EPRS1: variants seen among roughly 807,000 people sequenced by gnomAD.
EPRS1 encodes the protein glutamyl-prolyl-tRNA synthetase 1.
Under a neutral mutation model 188.3 loss-of-function variants are expected in EPRS1, and 107 were observed. The observed-to-expected ratio is 0.57, with a 90% CI of 0.49 to 0.67. The LOEUF (loss-of-function observed/expected upper bound fraction) is 0.67, where lower values mean the gene tolerates loss of function less well. Ranked by LOEUF, EPRS1 falls within the 30% of genes least tolerant of loss-of-function variation. The probability of loss-of-function intolerance (pLI) is 0.00; values close to 1 mark genes in which losing one functional copy is unlikely to be tolerated. For synonymous variants in EPRS1, 596 were observed against 593.1 expected (o/e 1.00, Z -0.07); for missense variants, 1,577 against 1,802.2 (o/e 0.88, Z 2.26).
chr1:220,006,359 G>A (rs1414687730), intron 14 of EPRS1, 46 bp from the exon 15 acceptor site: 4 of 710,974 alleles, frequency 5.6e-6, no homozygotes, highest in South Asian at 7.2e-5. Flanking sequence ...AACCACAGCT[G>A]CCATAAATTC....
intron 30 of EPRS1, among the ~76,000 whole-genome samples, chr1:219,970,303 C>G (rs912471891): frequency 1.3e-5 from 2 of 152,166 alleles, no homozygotes; most frequent in African/African-American, 4.8e-5. Context: ...TGTAAAGCAG[C>G]TGAAAATCTA....
chr1:220,033,608 G>C lies in EPRS1; in HGVS notation c.282C>G (p.Ser94=). 6.2e-7 allele frequency: 1 copy of C among 1,608,496 alleles called. No homozygotes were observed. Among genetic ancestry groups the C allele is most frequent in the Non-Finnish European group, 8.5e-7 (1 of 1,175,286 alleles). Residue 94 remains serine (S), a synonymous_variant, in exon 4 of 32, where the codon TCC becomes TCG. Transcript: ENST00000366923. ...FSATKLSSCD[S]FTSTINELNH... ...TGAGTTCATTAATTGTAGAAGTAAA[G>C]GAATCACATGAAGATAATTTTGTAG...
chr1:220,039,611 C>T (rs184240446), intron 2 of EPRS1, among the ~76,000 whole-genome samples: 299 of 151,808 alleles, frequency 2.0e-3, no homozygotes, highest in African/African-American at 6.8e-3. Flanking sequence ...CTCCGCCTCC[C>T]AGGTTCAAGC....
intron 2 of EPRS1, among the ~76,000 whole-genome samples, chr1:220,037,665 T>C (rs572171571): frequency 1.3e-4 from 20 of 152,102 alleles, no homozygotes; most frequent in African/African-American, 4.3e-4. Flanking sequence ...ATTTCCAAGT[T>C]TCCACAATGA....
intron 18 of EPRS1, among the ~76,000 whole-genome samples, chr1:219,994,838 G>A (rs1164650852): frequency 2.0e-5 from 3 of 151,840 alleles, no homozygotes; most frequent in African/African-American, 4.8e-5. Flanking sequence ...ATTTTTAGTA[G>A]AGACAGGGTT....
chr1:220,020,426 G>C lies in EPRS1; in HGVS notation c.1116-205C>G, dbSNP rs564356372. 3.3e-5 allele frequency among the ~76,000 whole-genome samples: 5 copies of C among 152,138 alleles called. No individual in the cohort carries two copies. In the East Asian group the frequency reaches 7.7e-4, roughly 24 times the overall value. ...CAATGAGTCAGTTGTCAACTTAGCA[G>C]TCAAACAAAAAAGCAAATTTGCAAT... On this transcript the variant is annotated intron_variant, in intron 9 of 31. Transcript: ENST00000366923.
intron 13 of EPRS1, among the ~76,000 whole-genome samples, chr1:220,007,855 T>TA (rs1661521857): frequency 6.6e-6 from 1 of 152,126 alleles, no homozygotes; most frequent in Non-Finnish European, 1.5e-5. Flanking sequence ...CATGGTGGCT[T>TA]ACGCCTGTAA....
intron 12 of EPRS1, among the ~76,000 whole-genome samples, chr1:220,017,836 A>C (rs930057483): frequency 6.6e-6 from 1 of 152,186 alleles, no homozygotes; most frequent in East Asian, 1.9e-4. Flanking sequence ...AAGGAACTGT[A>C]ATTAATGAAA....
chr1:220,019,570 A>T (rs938486190), intron 10 of EPRS1, among the ~76,000 whole-genome samples: 1 of 152,208 alleles, frequency 6.6e-6, no homozygotes, highest in Admixed American at 6.5e-5. Flanking sequence ...TACCCTTTTC[A>T]TGGAGCTCAA....
chr1:220,040,934 A>G (rs913678698), intron 1 of EPRS1, among the ~76,000 whole-genome samples: 1 of 152,094 alleles, frequency 6.6e-6, no homozygotes, highest in African/African-American at 2.4e-5. Context: ...CTAAAAAAAA[A>G]AAAAGAAAAA....
chr1:220,025,987 G>A (rs1661964831), intron 6 of EPRS1, among the ~76,000 whole-genome samples: 1 of 152,142 alleles, frequency 6.6e-6, no homozygotes, highest in East Asian at 1.9e-4. Flanking sequence ...TAGAAACGAG[G>A]TTTCACCATG....
At chr1:219,987,070 T>C in intron 20 of EPRS1, 72 bp downstream of exon 20, 1 of 1,497,490 alleles carries the variant, frequency 6.7e-7, no homozygotes, top group Non-Finnish European at 9.0e-7. Flanking sequence ...CAGTCAAAAT[T>C]TGTTTTAAAA....
chr1:220,032,088 T>G (rs1662094504), intron 5 of EPRS1, among the ~76,000 whole-genome samples: 1 of 151,908 alleles, frequency 6.6e-6, no homozygotes, highest in Admixed American at 6.6e-5. Flanking sequence ...CATCTTTTTT[T>G]TTTTGAGATA....
Position 220,014,125 on chromosome 1 carries a change from C to T in EPRS1, c.1495-3069G>A, listed in dbSNP as rs112189828. On this transcript the variant is annotated intron_variant, in intron 12 of 31. Coordinates refer to ENST00000366923, the MANE Select transcript of EPRS1 (RefSeq NM_004446.3). ...GGCGGATCACCTGAGGTCAGGAGTT[C>T]GGGACCAGCCTGGCCAACATGGTGA... Among the ~76,000 whole-genome samples, 170 of 152,222 alleles carry T rather than the reference C, an allele frequency of 1.1e-3. 2 individuals are homozygous for T. The highest frequency in any genetic ancestry group is 3.9e-3 in the African/African-American group (164 of 41,536).
Position 219,980,830 on chromosome 1 carries a change from A to G in EPRS1, c.3481T>C (p.Phe1161Leu). 6.2e-7 allele frequency: 1 copy of G among 1,613,048 alleles called. No homozygotes were observed. Among genetic ancestry groups the G allele is most frequent in the East Asian group, 2.2e-5 (1 of 44,866 alleles). The stretch of plus-strand genomic sequence containing the variant: ...CAAAGAAATTCACGAGTACGTAGGA[A>G]AGGCTGAGGATGCTTGAATTCCCAA... ...VRWEFKHPQP[F>L]LRTREFLWQE... Residue 1161 changes from phenylalanine (F) to leucine (L), a missense_variant, in exon 25 of 32, where the codon TTC becomes CTC. Phe to Leu is a conservative substitution (Grantham distance 22). This residue lies in a region of EPRS1 where 1,278 missense variants were observed against 1,457.4 expected (regional missense o/e 0.88). Transcript: ENST00000366923.
chr1:220,000,112 G>A (rs1694576), intron 17 of EPRS1, among the ~76,000 whole-genome samples: 122,099 of 152,218 alleles, frequency 0.8, 49,139 homozygotes, highest in East Asian at 0.93. Context: ...TTGAAAAATC[G>A]GCTGTTATTT....
At position 220,005,246 on chromosome 1, in the gene EPRS1, A is replaced by C. The variant is rs769115483; in HGVS notation, c.2063+2T>G. The C allele has an allele frequency of 7.4e-7, 1 of 1,350,804 alleles. No homozygotes were observed. Among genetic ancestry groups the C allele is most frequent in the South Asian group, 1.4e-5 (1 of 71,498 alleles). The allele number at this position is 1,350,804 out of a possible 1,614,324, so 83.7% of individuals were successfully genotyped here. A position where few individuals can be genotyped will look rare whatever the true frequency, so the allele number is the denominator to read the frequency against. On this transcript the variant is annotated splice_donor_variant, in intron 16 of 31. Coordinates refer to ENST00000366923, the MANE Select transcript of EPRS1 (RefSeq NM_004446.3). LOFTEE classifies it high-confidence loss of function. ...TTTAGACGTTCAGTTACATTTACTT[A>C]CCTAACAGGTTCATAAGGTTGATCA...
At chr1:219,987,106 T>A (rs1309522270) in intron 20 of EPRS1, 36 bp downstream of exon 20, 3 of 1,578,594 alleles carry the variant, frequency 1.9e-6, no homozygotes, top group Non-Finnish European at 2.6e-6. Context: ...ATTAATTCAC[T>A]GCTTTGCTTC....
chr1:220,026,847 A>T (rs1159063876), intron 6 of EPRS1, among the ~76,000 whole-genome samples: 1 of 151,928 alleles, frequency 6.6e-6, no homozygotes, highest in East Asian at 1.9e-4. Context: ...CTCAGTTGAT[A>T]TCCATATGGG....
Sources: allele counts gnomAD v4.1 joint callset (sites outside exome capture counted in the v4.1 genomes callset), GRCh38; gene constraint gnomAD v4.1.1; regional missense constraint gnomAD v4.1.1; transcripts MANE v1.5; gene names NCBI Gene and HGNC (gene_info 2026-07-23, HGNC 2026-07-21).